SRSF11: variants seen among roughly 807,000 people sequenced by gnomAD.
SRSF11 encodes the protein serine and arginine rich splicing factor 11.
A neutral mutation model predicts 56.0 loss-of-function variants in SRSF11; 9 were observed. The observed-to-expected ratio is 0.16, with a 90% CI of 0.10 to 0.28. The LOEUF (loss-of-function observed/expected upper bound fraction) is 0.28. SRSF11 is among the 10% of genes least tolerant of loss of function. The pLI is 1.00. For synonymous variants in SRSF11, 222 were observed against 215.3 expected (o/e 1.03, Z -0.27); for missense variants, 421 against 600.7 (o/e 0.70, Z 3.13).
rs749583127 is a variant in SRSF11 at position 70,250,852 on chromosome 1, T to C, written c.*47T>C. On this transcript the variant is annotated 3_prime_UTR_variant, in exon 12 of 12. Transcript: ENST00000370949. ...AACTGTATACCTGCATCAGTGTCATTCCTTTGTGTGATTTCTTAATGCTGT... is the reference window on the plus strand; with the variant it reads ...AACTGTATACCTGCATCAGTGTCATCCCTTTGTGTGATTTCTTAATGCTGT... The C allele has an allele frequency of 3.3e-6, 5 of 1,522,430 alleles. No individual in the cohort carries two copies. In the African/African-American group the frequency reaches 6.8e-5, roughly 21 times the overall value. 94.3% of individuals were successfully genotyped at this position (1,522,430 alleles called of 1,614,324 possible).
chr1:70,251,374 T>C lies in SRSF11; in HGVS notation c.*569T>C, dbSNP rs1571983492. 6.5e-6 allele frequency: 1 copy of C among 152,920 alleles called. No homozygotes were observed. Among genetic ancestry groups the C allele is most frequent in the Non-Finnish European group, 1.5e-5 (1 of 68,198 alleles). The allele number at this position is 152,920 out of a possible 1,614,324, so 9.5% of individuals were successfully genotyped here. On this transcript the variant is annotated 3_prime_UTR_variant, in exon 12 of 12. Transcript: ENST00000370949. ...AGCCTTGTGGCAAAATTTTTGTGGC[T>C]TTTGTTTAACTTTGAAAGGTTATTA...
chr1:70,224,112 G>T (rs753812646), intron 1 of SRSF11, among the ~76,000 whole-genome samples: 2 of 152,122 alleles, frequency 1.3e-5, no homozygotes, highest in Non-Finnish European at 2.9e-5. Context: ...GTATGCAAGA[G>T]GATGTGCACA....
intron 1 of SRSF11, among the ~76,000 whole-genome samples, chr1:70,212,693 T>G (rs1365542111): frequency 1.3e-5 from 2 of 152,194 alleles, no homozygotes; most frequent in South Asian, 2.1e-4. Context: ...CTTAACTGTT[T>G]ATAGGGTAGG....
chr1:70,216,264 G>A (rs765393629), intron 1 of SRSF11, among the ~76,000 whole-genome samples: 3 of 151,816 alleles, frequency 2.0e-5, no homozygotes, highest in Non-Finnish European at 2.9e-5. Flanking sequence ...CCAATATCAC[G>A]CACCAGTTAA....
chr1:70,212,116 CTTTATT>C (rs1669611281), intron 1 of SRSF11, among the ~76,000 whole-genome samples: 1 of 151,958 alleles, frequency 6.6e-6, no homozygotes, highest in African/African-American at 2.4e-5. Context: ...ACTTACTGTA[CTTTATT>C]TTTAAGAACT....
chr1:70,250,868 T>C lies in SRSF11; in HGVS notation c.*63T>C. 1.7e-5 allele frequency: 25 copies of C among 1,441,346 alleles called. No individual in the cohort carries two copies. The highest frequency in any genetic ancestry group is 2.2e-5 in the Non-Finnish European group (23 of 1,028,924). The allele number at this position is 1,441,346 out of a possible 1,614,324, so 89.3% of individuals were successfully genotyped here. On this transcript the variant is annotated 3_prime_UTR_variant, in exon 12 of 12. Transcript: ENST00000370949. ...CAGTGTCATTCCTTTGTGTGATTTC[T>C]TAATGCTGTATTTGTTCATCTCAAA...
chr1:70,245,872 C>T lies in SRSF11; in HGVS notation c.933-946C>T, dbSNP rs1277782898. Among the ~76,000 whole-genome samples, 3 of 152,112 alleles carry T rather than the reference C, an allele frequency of 2.0e-5. No homozygotes were observed. In the East Asian group the frequency reaches 5.8e-4, roughly 29 times the overall value. ...GGGAATTAATATTTTCAGGTTTGTA[C>T]TTTAAAAGATTTCTGACAGAGTACA... is the stretch of plus-strand genomic sequence containing the variant. On this transcript the variant is annotated intron_variant, in intron 8 of 11. Coordinates refer to ENST00000370949, the MANE Select transcript of SRSF11 (RefSeq NM_001350605.2).
At chr1:70,244,920 G>A in intron 8 of SRSF11, 105 bp downstream of exon 8, 1 of 1,062,512 alleles carries the variant, frequency 9.4e-7, no homozygotes, top group Non-Finnish European at 1.3e-6. Flanking sequence ...GAGAAATAGG[G>A]CTAGACAGGG....
chr1:70,210,511 G>C (rs1433819296), intron 1 of SRSF11, among the ~76,000 whole-genome samples: 1 of 152,134 alleles, frequency 6.6e-6, no homozygotes, highest in Non-Finnish European at 1.5e-5. Flanking sequence ...TCAGGAGTTA[G>C]AGACCAGCCT....
At chr1:70,232,033 T>A (rs1458609809) in intron 2 of SRSF11, 1 of 1,519,086 alleles carries the variant, frequency 6.6e-7, no homozygotes, top group Non-Finnish European at 8.8e-7. Flanking sequence ...TATTTTTTTT[T>A]ACTCTAGAAA....
At chr1:70,237,605 G>A (rs903461033) in intron 6 of SRSF11, 53 bp downstream of exon 6, 1 of 1,597,872 alleles carries the variant, frequency 6.3e-7, no homozygotes, top group African/African-American at 1.3e-5. Context: ...AAATGATTTT[G>A]ACATAAATGT....
At chr1:70,247,554 AT>A (rs1426305205) in intron 9 of SRSF11, among the ~76,000 whole-genome samples, 3 of 152,104 alleles carry the variant, frequency 2.0e-5, no homozygotes, top group African/African-American at 4.8e-5. Context: ...ATAAAAAAAA[AT>A]AACTGAAATG....
In SRSF11 at chr1:70,250,415, A is replaced by G; in HGVS notation, c.1169A>G (p.Glu390Gly). ...AAAGACAAAGAAAGAAGTAGGGATGAAAGAGAACGATCAACAAGCAAGAAG... is the reference window on the plus strand; with the variant it reads ...AAAGACAAAGAAAGAAGTAGGGATGGAAGAGAACGATCAACAAGCAAGAAG... Reference protein sequence around the residue: ...KDKDKERSRDERERSTSKKKK... With the variant: ...KDKDKERSRDGRERSTSKKKK... The change falls in exon 11 of 12, where the codon GAA becomes GGA. Residue 390 changes from glutamate (E) to glycine (G), a missense_variant. By Grantham distance (98) the Glu-to-Gly change is moderately conservative (BLOSUM62 -2). This residue lies in a region of SRSF11 where 253 missense variants were observed against 305.8 expected (regional missense o/e 0.83). Coordinates refer to ENST00000370949, the MANE Select transcript of SRSF11 (RefSeq NM_001350605.2). 6.3e-7 allele frequency: 1 copy of G among 1,598,520 alleles called. No homozygotes were observed. Among genetic ancestry groups the G allele is most frequent in the Non-Finnish European group, 8.6e-7 (1 of 1,165,904 alleles).
chr1:70,238,723 C>G (rs902017262), intron 6 of SRSF11, among the ~76,000 whole-genome samples: 8 of 152,142 alleles, frequency 5.3e-5, no homozygotes, highest in Non-Finnish European at 1.0e-4. Flanking sequence ...AATATTGAGT[C>G]TGTGAAGAAT....
intron 1 of SRSF11, among the ~76,000 whole-genome samples, chr1:70,227,022 G>T (rs1396622100): frequency 6.6e-6 from 1 of 152,108 alleles, no homozygotes; most frequent in Non-Finnish European, 1.5e-5. Context: ...TTGAACTTGG[G>T]TTAGGGTCTG....
At chr1:70,241,442 C>T (rs1229995091) in intron 7 of SRSF11, among the ~76,000 whole-genome samples, 1 of 152,164 alleles carries the variant, frequency 6.6e-6, no homozygotes, top group Non-Finnish European at 1.5e-5. Flanking sequence ...CCCACCTTAT[C>T]CCACTGTCTT....
At position 70,239,498 on chromosome 1, in the gene SRSF11, A is replaced by G; in HGVS notation, c.778A>G (p.Thr260Ala). 1.2e-6 allele frequency: 2 copies of G among 1,607,334 alleles called. No homozygotes were observed. The highest frequency in any genetic ancestry group is 1.7e-6 in the Non-Finnish European group (2 of 1,177,582). The change falls in exon 7 of 12, where the codon ACT becomes GCT. Residue 260 changes from threonine (T) to alanine (A), a missense_variant. Thr to Ala is a moderately conservative substitution (Grantham distance 58, BLOSUM62 0). Around this residue, in one of 2 missense-constraint regions of SRSF11, gnomAD observed 253 missense variants for 305.8 expected, o/e 0.83. Transcript: ENST00000370949. ...RSRSRSRRRR[T>A]PSSSRHRRSR... ...AAGATCACGTTCTAGGAGGAGGAGG[A>G]CTCCCTCATCTTCTAGACACAGGTT...
rs560988499 is a variant in SRSF11 at position 70,230,174 on chromosome 1, T to G, written c.337+1619T>G. On this transcript the variant is annotated intron_variant, in intron 2 of 11. Transcript: ENST00000370949. The stretch of plus-strand genomic sequence containing the variant: ...ATATAAATGACTTTCATAAATATTT[T>G]CAGGCCATAGTAATTTTTCTAGACC... 10 of 984,238 alleles carry G rather than the reference T, an allele frequency of 1.0e-5. No homozygotes were observed. The African/African-American group carries it at 1.6e-4, about 15-fold the overall frequency. The allele number at this position is 984,238 out of a possible 1,614,324, so 61.0% of individuals were successfully genotyped here. A position where few individuals can be genotyped will look rare whatever the true frequency, so the allele number is the denominator to read the frequency against.
rs1399633366 is a variant in SRSF11 at position 70,232,793 on chromosome 1, G to C, written c.447+416G>C. ...TATTTGGGGGGTTTTGAATTACATA[G>C]GTGGCTTGAAAACAAAGGCAATTCT... On this transcript the variant is annotated intron_variant, in intron 3 of 11. Coordinates refer to ENST00000370949, the MANE Select transcript of SRSF11 (RefSeq NM_001350605.2). 4.6e-5 allele frequency among the ~76,000 whole-genome samples: 7 copies of C among 152,124 alleles called. No individual in the cohort carries two copies. In the South Asian group the frequency reaches 6.2e-4, roughly 14 times the overall value.
Sources: gnomAD v4.1 joint callset for allele counts (sites outside exome capture counted in the v4.1 genomes callset) on GRCh38, gnomAD v4.1.1 for gene constraint, gnomAD v4.1.1 regional missense constraint, MANE v1.5 for transcripts, NCBI Gene and HGNC (gene_info 2026-07-23, HGNC 2026-07-21) for gene names.